Variants in NRXN3 observed in about 807,000 individuals in gnomAD.
NRXN3 encodes the protein neurexin III.
NRXN3 carries 32 observed loss-of-function variants against 137.6 expected under a neutral mutation model. That is an observed-to-expected ratio of 0.23 (90% CI 0.18 to 0.31). NRXN3 has a LOEUF of 0.31. Ranked by LOEUF, NRXN3 falls within the 10% of genes least tolerant of loss-of-function variation. The pLI, the probability that NRXN3 is intolerant of heterozygous loss-of-function variation, is 1.00. For missense variants in NRXN3, 1,574 were observed against 2,062.5 expected (o/e 0.76, Z 4.59); for synonymous variants, 798 against 784.5 (o/e 1.02, Z -0.29).
chr14:78,539,761 T>C (rs2096570944), intron 4 of NRXN3, among the ~76,000 whole-genome samples: 1 of 152,206 alleles, frequency 6.6e-6, no homozygotes, highest in Non-Finnish European at 1.5e-5. Flanking sequence ...TAAATTTCCC[T>C]GTACACACTG....
chr14:79,554,553 C>T (rs76315366), intron 16 of NRXN3, among the ~76,000 whole-genome samples: 1 of 152,102 alleles, frequency 6.6e-6, no homozygotes, highest in African/African-American at 2.4e-5. Context: ...GGGGAAATAG[C>T]CAGTAGCCAA....
At chr14:78,805,565 C>T (rs963109536) in intron 9 of NRXN3, among the ~76,000 whole-genome samples, 6 of 150,794 alleles carry the variant, frequency 4.0e-5, no homozygotes, top group Non-Finnish European at 5.9e-5. Context: ...AAACCAACAG[C>T]CAGCAGCTGA....
At chr14:79,012,050 C>A (rs2099572188) in intron 15 of NRXN3, among the ~76,000 whole-genome samples, 1 of 152,084 alleles carries the variant, frequency 6.6e-6, no homozygotes, top group African/African-American at 2.4e-5. Flanking sequence ...AAGGAATTTT[C>A]TAAAATTATA....
chr14:79,300,128 T>C (rs2084893548), intron 15 of NRXN3, among the ~76,000 whole-genome samples: 1 of 152,052 alleles, frequency 6.6e-6, no homozygotes, highest in Non-Finnish European at 1.5e-5. Flanking sequence ...TGTTGTCTCA[T>C]ATGATCCCCC....
chr14:79,472,897 G>T (rs906181291), intron 16 of NRXN3, among the ~76,000 whole-genome samples: 1 of 152,110 alleles, frequency 6.6e-6, no homozygotes. Context: ...ATAGAAGGTC[G>T]GGGAGAACTG....
chr14:79,523,773 T>C (rs1420655001), intron 16 of NRXN3, among the ~76,000 whole-genome samples: 4 of 152,182 alleles, frequency 2.6e-5, no homozygotes, highest in African/African-American at 9.7e-5. Flanking sequence ...GTATGTAACT[T>C]CACAAGAATC....
At chr14:78,777,017 C>T (rs2098746838) in intron 8 of NRXN3, among the ~76,000 whole-genome samples, 1 of 152,120 alleles carries the variant, frequency 6.6e-6, no homozygotes, top group African/African-American at 2.4e-5. Flanking sequence ...TTTCTTTTTA[C>T]CTATGAGAAA....
intron 20 of NRXN3, among the ~76,000 whole-genome samples, chr14:79,806,005 C>A (rs576642958): frequency 3.9e-4 from 60 of 152,278 alleles, no homozygotes; most frequent in African/African-American, 1.2e-3. Flanking sequence ...TATTTCCTAT[C>A]AACTTTTCCC....
At chr14:78,957,169 G>T (rs1247162504) in intron 10 of NRXN3, 73 bp from the exon 11 acceptor site, 1 of 1,555,338 alleles carries the variant, frequency 6.4e-7, no homozygotes, top group Non-Finnish European at 8.8e-7. Context: ...CACCAGTGTG[G>T]TTTTGACAAC....
intron 4 of NRXN3, among the ~76,000 whole-genome samples, chr14:78,589,082 C>T (rs1378765834): frequency 6.6e-6 from 1 of 152,176 alleles, no homozygotes; most frequent in African/African-American, 2.4e-5. Flanking sequence ...GTTTAGACAA[C>T]ATGCTGCTTG....
At chr14:78,921,318 C>T (rs1431205404) in intron 10 of NRXN3, among the ~76,000 whole-genome samples, 16 of 152,154 alleles carry the variant, frequency 1.1e-4, no homozygotes, top group Admixed American at 1.0e-3. Flanking sequence ...AGTCCTTGTC[C>T]TCATGAAACT....
chr14:78,353,477 T>G (rs961863983), intron 4 of NRXN3, among the ~76,000 whole-genome samples: 1 of 152,162 alleles, frequency 6.6e-6, no homozygotes, highest in African/African-American at 2.4e-5. Flanking sequence ...CTCCGGGGAC[T>G]GTTTTATAAG....
At chr14:78,381,818 A>G (rs2089178197) in intron 4 of NRXN3, among the ~76,000 whole-genome samples, 1 of 152,224 alleles carries the variant, frequency 6.6e-6, no homozygotes, top group African/African-American at 2.4e-5. Flanking sequence ...ACTGAGTGAA[A>G]AAAGCCAATT....
chr14:79,631,386 C>T (rs887672860), intron 16 of NRXN3, among the ~76,000 whole-genome samples: 26 of 152,376 alleles, frequency 1.7e-4, no homozygotes, highest in Non-Finnish European at 2.6e-4. Flanking sequence ...CAGTCCGCCG[C>T]GGCGCTGTGG....
intron 4 of NRXN3, among the ~76,000 whole-genome samples, chr14:78,401,086 G>A (rs538930114): frequency 8.5e-5 from 13 of 152,252 alleles, no homozygotes; most frequent in Middle Eastern, 3.4e-3. Context: ...GTCCTCACAC[G>A]GTAAAAGGTG....
intron 20 of NRXN3, among the ~76,000 whole-genome samples, chr14:79,833,804 T>C (rs2099329662): frequency 1.3e-5 from 2 of 152,168 alleles, no homozygotes; most frequent in East Asian, 3.8e-4. Context: ...AAGATCCAGA[T>C]TGGTAGCTCA....
intron 10 of NRXN3, among the ~76,000 whole-genome samples, chr14:78,897,209 T>C (rs1047839378): frequency 6.6e-6 from 1 of 152,042 alleles, no homozygotes; most frequent in Middle Eastern, 3.4e-3. Flanking sequence ...TGTGCCGTGA[T>C]GGGCCATCCA....
chr14:78,668,918 C>CTCTATCTATCTA lies in NRXN3; in HGVS notation c.1221+17596_1221+17607dup, dbSNP rs60427407. Among the ~76,000 whole-genome samples, 1,041 of 149,704 alleles carry CTCTATCTATCTA rather than the reference C, an allele frequency of 7.0e-3. 10 individuals are homozygous for CTCTATCTATCTA. The highest frequency in any genetic ancestry group is 0.024 in the African/African-American group (943 of 40,024). On this transcript the variant is annotated intron_variant, in intron 6 of 20. Transcript: ENST00000335750. The stretch of plus-strand genomic sequence containing the variant: ...GATAATTATAATGCAACATATTAAA[C>CTCTATCTATCTA]TCTATCTATCTATCTGTCTGTCTGT...
chr14:79,075,140 C>T (rs892006482), intron 15 of NRXN3, among the ~76,000 whole-genome samples: 4 of 152,110 alleles, frequency 2.6e-5, no homozygotes, highest in African/African-American at 7.2e-5. Flanking sequence ...CTTCATTTGC[C>T]GTGTAATCTT....
Sources: gnomAD v4.1 joint callset for allele counts (sites outside exome capture counted in the v4.1 genomes callset) on GRCh38, gnomAD v4.1.1 for gene constraint, MANE v1.5 for transcripts, NCBI Gene and HGNC (gene_info 2026-07-23, HGNC 2026-07-21) for gene names.